Variants in PFKFB3 observed in about 807,000 individuals in gnomAD.
The protein encoded by PFKFB3 is 6-phosphofructo-2-kinase/fructose-2,6-bisphosphatase 3.
Under a neutral mutation model 68.0 loss-of-function variants are expected in PFKFB3, and 33 were observed. The observed-to-expected ratio is 0.49, with a 90% CI of 0.37 to 0.65. PFKFB3 has a LOEUF of 0.65. Among genes scored for constraint, PFKFB3 ranks in the 30% least tolerant of loss-of-function variants. The pLI, the probability that PFKFB3 is intolerant of heterozygous loss-of-function variation, is 0.00. For synonymous variants in PFKFB3, 315 were observed against 288.2 expected, an observed-to-expected ratio of 1.09 and a Z score of -0.94; for missense variants, 586 against 712.2, an observed-to-expected ratio of 0.82 and a Z score of 2.02.
chr10:6,261,854 G>C, the PFKFB3 span, among the ~76,000 whole-genome samples: 2 of 152,008 alleles, frequency 1.3e-5, no homozygotes, highest in Non-Finnish European at 2.9e-5. Flanking sequence ...AATTAGCCAG[G>C]CATCATGGCA....
the PFKFB3 span, among the ~76,000 whole-genome samples, chr10:6,270,812 G>A: frequency 1.9e-4 from 29 of 152,218 alleles, no homozygotes; most frequent in Admixed American, 8.5e-4. Context: ...CTTCATGCCC[G>A]TTCTCTCACT....
chr10:6,175,650 C>T (rs967720030), intron 1 of PFKFB3, among the ~76,000 whole-genome samples: 1 of 152,194 alleles, frequency 6.6e-6, no homozygotes, highest in African/African-American at 2.4e-5. Flanking sequence ...AAAAACAAAA[C>T]AAAATCCAAA....
At chr10:6,254,114 T>G in intron 14 of PFKFB3, 2 of 337,182 alleles carry the variant, frequency 5.9e-6, no homozygotes, top group Non-Finnish European at 5.2e-6. Context: ...TTTTTTTTTT[T>G]TCTCTTTAGC....
At chr10:6,224,427 T>C (rs914950074) in intron 13 of PFKFB3, 2 of 631,778 alleles carry the variant, frequency 3.2e-6, no homozygotes, top group Non-Finnish European at 5.7e-6. Context: ...CTGTGTCCTC[T>C]TCCTCCCATT....
At chr10:6,202,762 C>A, upstream of PFKFB3, 1 of 508,634 alleles carries the variant, frequency 2.0e-6, no homozygotes, top group Non-Finnish European at 2.6e-6. Context: ...GCTGGTGCAC[C>A]GCCGTCGCCG....
At chr10:6,274,140 C>T in the PFKFB3 span, among the ~76,000 whole-genome samples, 3 of 151,706 alleles carry the variant, frequency 2.0e-5, no homozygotes, top group Non-Finnish European at 4.4e-5. Context: ...GTCAAGGCTG[C>T]AGTGGGCTAT....
Position 6,233,005 on chromosome 10 carries a change from C to A in PFKFB3, c.*63C>A. ...AGCTTAGCTTGTGTCCTGCCCTCCG[C>A]CCGAGGCAAAACGTATCCTGAGGAC... On this transcript the variant is annotated 3_prime_UTR_variant, in exon 15 of 15. Transcript: ENST00000379775. The A allele has an allele frequency of 1.5e-6, 2 of 1,351,912 alleles. No individual in the cohort carries two copies. Among genetic ancestry groups the A allele is most frequent in the African/African-American group, 1.4e-5 (1 of 69,836 alleles). 83.7% of individuals were successfully genotyped at this position (1,351,912 alleles called of 1,614,324 possible).
chr10:6,210,355 TGTTTTTTTG>T (rs1177033724), intron 1 of PFKFB3, among the ~76,000 whole-genome samples: 591 of 38,156 alleles, frequency 0.015, 76 homozygotes, highest in African/African-American at 0.034. Context: ...TGTTTTTTTT[TGTTTTTTTG>T]TTTTTTTTTT....
chr10:6,222,707 A>G, intron 10 of PFKFB3, 148 bp from the exon 11 acceptor site: 1 of 801,968 alleles, frequency 1.2e-6, no homozygotes, highest in Non-Finnish European at 1.9e-6. Context: ...GCAATAGTCC[A>G]CGTTAAACCC....
chr10:6,278,144 T>C, the PFKFB3 span, among the ~76,000 whole-genome samples: 2 of 151,770 alleles, frequency 1.3e-5, no homozygotes, highest in Admixed American at 6.6e-5. Context: ...TCTCGATCTC[T>C]TGACCTTGTG....
At chr10:6,209,545 C>T (rs570589415) in intron 1 of PFKFB3, among the ~76,000 whole-genome samples, 142 of 152,130 alleles carry the variant, frequency 9.3e-4, no homozygotes, top group Non-Finnish European at 1.7e-3. Flanking sequence ...ACAATCTCGG[C>T]TCACTGCAAC....
At chr10:6,217,042 C>A in intron 5 of PFKFB3, 93 bp from the exon 6 acceptor site, 1 of 1,298,772 alleles carries the variant, frequency 7.7e-7, no homozygotes, top group Non-Finnish European at 1.1e-6. Context: ...GGGTGGCGTG[C>A]TTCCGCCTTG....
At chr10:6,262,327 G>A in the PFKFB3 span, among the ~76,000 whole-genome samples, 3 of 149,476 alleles carry the variant, frequency 2.0e-5, no homozygotes, top group Non-Finnish European at 4.5e-5. Flanking sequence ...GGTGGGGGGT[G>A]CCTGTAGTCC....
chr10:6,240,722 TAC>T (rs1334071061), intron 14 of PFKFB3, among the ~76,000 whole-genome samples: 2 of 152,148 alleles, frequency 1.3e-5, no homozygotes, highest in Non-Finnish European at 2.9e-5. Context: ...GTAACAAAAC[TAC>T]AGACTTCATT....
At chr10:6,297,595 G>A in the PFKFB3 span, among the ~76,000 whole-genome samples, 3 of 152,146 alleles carry the variant, frequency 2.0e-5, no homozygotes, top group African/African-American at 4.8e-5. Flanking sequence ...GTTTACTGCT[G>A]TAGGAGCAAG....
rs568756270 is a variant in PFKFB3, at chr10:6,225,589, G to A, written c.1342-603G>A. Among the ~76,000 whole-genome samples, 9 of 152,344 alleles carry A rather than the reference G, an allele frequency of 5.9e-5. No individual in the cohort carries two copies. The South Asian group carries it at 8.3e-4, about 14-fold the overall frequency. On this transcript the variant is annotated intron_variant, in intron 13 of 14. Transcript: ENST00000379775. Reference sequence around the variant, plus strand: ...AGGCTGGAGGCCCACACCCCATCACGCTGTCCCTCTCATGGGAGGGCTGTG... The same window carrying A: ...AGGCTGGAGGCCCACACCCCATCACACTGTCCCTCTCATGGGAGGGCTGTG...
At chr10:6,219,449 C>A in intron 6 of PFKFB3, 120 bp from the exon 7 acceptor site, 2 of 1,058,390 alleles carry the variant, frequency 1.9e-6, no homozygotes, top group Admixed American at 1.8e-5. Flanking sequence ...ACACGCTGGG[C>A]CGGATAATCT....
At chr10:6,249,949 A>G (rs1306355806) in intron 14 of PFKFB3, among the ~76,000 whole-genome samples, 1 of 152,212 alleles carries the variant, frequency 6.6e-6, no homozygotes, top group Non-Finnish European at 1.5e-5. Flanking sequence ...CCCTAGCCAT[A>G]TATAAATATT....
At chr10:6,310,672 G>T in the PFKFB3 span, among the ~76,000 whole-genome samples, 1 of 151,992 alleles carries the variant, frequency 6.6e-6, no homozygotes, top group African/African-American at 2.4e-5. Context: ...GCAACATTTT[G>T]GGACAAAATA....
Sources: gnomAD v4.1 joint callset for allele counts (sites outside exome capture counted in the v4.1 genomes callset) on GRCh38, gnomAD v4.1.1 for gene constraint, MANE v1.5 for transcripts, NCBI Gene and HGNC (gene_info 2026-07-23, HGNC 2026-07-21) for gene names.